Variants in CNTN4 observed in about 807,000 individuals in gnomAD.
CNTN4 encodes the protein contactin 4.
Under a neutral mutation model 122.5 loss-of-function variants are expected in CNTN4, and 77 were observed. The ratio of observed to expected loss-of-function variants is 0.63; its 90% CI spans 0.52 to 0.76. CNTN4 has a LOEUF of 0.76. CNTN4 is among the 30% of genes least tolerant of loss of function. The pLI, the probability that CNTN4 is intolerant of heterozygous loss-of-function variation, is 0.00. For synonymous variants in CNTN4, 512 were observed against 447.0 expected, an observed-to-expected ratio of 1.15 and a Z score of -1.83; for missense variants, 1,256 against 1,259.1, an observed-to-expected ratio of 1.00 and a Z score of 0.04.
At position 2,569,310 on chromosome 3, in the gene CNTN4, C is replaced by T. The variant is rs530573283; in HGVS notation, c.-88-2106C>T. ...GCAGTGATCACATGGTGTAAATTAA[C>T]GCTAAGAGCCCATTATTAAGTAGCT... On this transcript the variant is annotated intron_variant, in intron 3 of 24. Coordinates refer to ENST00000418658, the MANE Select transcript of CNTN4 (RefSeq NM_175607.3). 1.4e-4 allele frequency among the ~76,000 whole-genome samples: 22 copies of T among 152,290 alleles called. No homozygotes were observed. The East Asian group carries it at 2.5e-3, about 17-fold the overall frequency.
In CNTN4 at chr3:3,040,039, G is replaced by A. The variant is rs1260080631; in HGVS notation, c.2166G>A (p.Thr722=). 4 of 1,605,768 alleles carry A rather than the reference G, an allele frequency of 2.5e-6. No individual in the cohort carries two copies. The highest frequency in any genetic ancestry group is 3.4e-6 in the Non-Finnish European group (4 of 1,172,244). The change falls in exon 20 of 25, where the codon ACG becomes ACA. Residue 722 remains threonine, a splice_region_variant and synonymous_variant. Coordinates refer to ENST00000418658, the MANE Select transcript of CNTN4 (RefSeq NM_175607.3). ...AGACCACCTTCCTTCTTTCCCAGACGGTCCCTGAGGAATTACAGAATGGTC... is the reference window on the plus strand; with the variant it reads ...AGACCACCTTCCTTCTTTCCCAGACAGTCCCTGAGGAATTACAGAATGGTC... ...SKSELVITWE[T]VPEELQNGRG...
chr3:2,545,183 G>A (rs772275579), intron 3 of CNTN4, among the ~76,000 whole-genome samples: 1 of 152,038 alleles, frequency 6.6e-6, no homozygotes, highest in Non-Finnish European at 1.5e-5. Context: ...GTATGGGTTT[G>A]AGAGATTTTC....
intron 3 of CNTN4, among the ~76,000 whole-genome samples, chr3:2,459,318 T>C (rs1406705173): frequency 6.6e-6 from 1 of 152,074 alleles, no homozygotes; most frequent in Non-Finnish European, 1.5e-5. Context: ...AAAATGTGCA[T>C]TTAGAATTGG....
At chr3:2,905,135 A>C (rs2094215556) in intron 12 of CNTN4, among the ~76,000 whole-genome samples, 1 of 152,192 alleles carries the variant, frequency 6.6e-6, no homozygotes, top group Non-Finnish European at 1.5e-5. Context: ...TCACTGTTCC[A>C]ACTTTTACAT....
At chr3:2,214,813 G>A (rs2038769412) in intron 2 of CNTN4, among the ~76,000 whole-genome samples, 1 of 152,078 alleles carries the variant, frequency 6.6e-6, no homozygotes, top group Admixed American at 6.5e-5. Flanking sequence ...ATACTCTTTA[G>A]CATTGTTAAA....
chr3:2,480,233 TG>T (rs2075952805), intron 3 of CNTN4, among the ~76,000 whole-genome samples: 1 of 152,172 alleles, frequency 6.6e-6, no homozygotes, highest in African/African-American at 2.4e-5. Flanking sequence ...CTTCTACCAC[TG>T]CTTTTCAGCA....
intron 3 of CNTN4, among the ~76,000 whole-genome samples, chr3:2,528,961 A>C (rs2077497777): frequency 6.6e-6 from 1 of 152,132 alleles, no homozygotes; most frequent in African/African-American, 2.4e-5. Flanking sequence ...GAGAACATTC[A>C]AAATCCTCTC....
At chr3:2,791,551 A>G (rs2092011894) in intron 6 of CNTN4, among the ~76,000 whole-genome samples, 1 of 151,522 alleles carries the variant, frequency 6.6e-6, no homozygotes, top group South Asian at 2.1e-4. Flanking sequence ...AAAAAGATTT[A>G]GAAACTGAGC....
chr3:2,408,963 G>A (rs915157339), intron 3 of CNTN4, among the ~76,000 whole-genome samples: 2 of 152,040 alleles, frequency 1.3e-5, no homozygotes, highest in African/African-American at 4.8e-5. Flanking sequence ...TTTTGCACTT[G>A]TAGGCAGTTT....
intron 3 of CNTN4, among the ~76,000 whole-genome samples, chr3:2,456,053 T>A (rs2048987219): frequency 6.6e-6 from 1 of 152,130 alleles, no homozygotes; most frequent in African/African-American, 2.4e-5. Flanking sequence ...GCATTTATAA[T>A]CTCTGTTGTA....
intron 4 of CNTN4, among the ~76,000 whole-genome samples, chr3:2,576,518 CTTATT>C (rs921374407): frequency 2.0e-5 from 3 of 150,400 alleles, no homozygotes; most frequent in Non-Finnish European, 4.4e-5. Flanking sequence ...TCTCCCATTT[CTTATT>C]TTATTTTATT....
At chr3:2,535,182 G>C (rs1165266080) in intron 3 of CNTN4, among the ~76,000 whole-genome samples, 2 of 152,000 alleles carry the variant, frequency 1.3e-5, no homozygotes, top group Admixed American at 6.6e-5. Context: ...TTTCAACCTT[G>C]TACTTCAACA....
rs116648499 is a variant in CNTN4, at chr3:2,855,109, G to A, written c.455-11643G>A. On this transcript the variant is annotated intron_variant, in intron 7 of 24. Coordinates refer to ENST00000418658, the MANE Select transcript of CNTN4 (RefSeq NM_175607.3). ...GAAATTCTCAGTACTCCTGAATGTTGCTATGGGGTTAAATACTGTGGCATA... is the reference window on the plus strand; with the variant it reads ...GAAATTCTCAGTACTCCTGAATGTTACTATGGGGTTAAATACTGTGGCATA... Among the ~76,000 whole-genome samples the A allele has an allele frequency of 2.7e-3, 407 of 152,272 alleles. 1 individual carries two copies. Among genetic ancestry groups the A allele is most frequent in the African/African-American group, 9.3e-3 (387 of 41,554 alleles).
chr3:2,443,941 C>T lies in CNTN4; in HGVS notation c.-89+104708C>T, dbSNP rs538033768. On this transcript the variant is annotated intron_variant, in intron 3 of 24. Transcript: ENST00000418658. ...GGCTAGGAAGGACCAAATGGATTTACGTAGTTTATCGGATAAACCAATTTT... is the reference window on the plus strand; with the variant it reads ...GGCTAGGAAGGACCAAATGGATTTATGTAGTTTATCGGATAAACCAATTTT... Among the ~76,000 whole-genome samples the T allele has an allele frequency of 1.9e-3, 282 of 152,120 alleles. 1 individual carries two copies. Among genetic ancestry groups the T allele is most frequent in the Non-Finnish European group, 1.2e-3 (82 of 68,020 alleles).
intron 4 of CNTN4, among the ~76,000 whole-genome samples, chr3:2,615,694 C>T (rs2081693620): frequency 6.6e-6 from 1 of 151,988 alleles, no homozygotes; most frequent in Admixed American, 6.6e-5. Flanking sequence ...TAGAGTTGTG[C>T]AATTATTTCC....
At chr3:2,362,060 G>A (rs2150552669) in intron 3 of CNTN4, among the ~76,000 whole-genome samples, 1 of 152,274 alleles carries the variant, frequency 6.6e-6, no homozygotes, top group Non-Finnish European at 1.5e-5. Flanking sequence ...GCATTCCAGG[G>A]AGTGGGACCA....
rs114053236 is a variant in CNTN4, at chr3:2,831,531, C to G, written c.454+11950C>G. On this transcript the variant is annotated intron_variant, in intron 7 of 24. Transcript: ENST00000418658. ...GTGGTGCTGCTAACAAAACAATGGG[C>G]AGCCACTTTGTACCGAGCCAAGAGA... Among the ~76,000 whole-genome samples, 741 of 152,314 alleles carry G rather than the reference C, an allele frequency of 4.9e-3. 7 individuals are homozygous for G. Among genetic ancestry groups the G allele is most frequent in the African/African-American group, 0.017 (696 of 41,560 alleles).
At chr3:2,882,343 G>A (rs1263646547) in intron 8 of CNTN4, among the ~76,000 whole-genome samples, 1 of 151,818 alleles carries the variant, frequency 6.6e-6, no homozygotes, top group African/African-American at 2.4e-5. Flanking sequence ...TCTAGCCTGG[G>A]TGACAGAGCG....
intron 2 of CNTN4, among the ~76,000 whole-genome samples, chr3:2,270,423 G>C (rs1264394699): frequency 6.6e-6 from 1 of 151,428 alleles, no homozygotes; most frequent in African/African-American, 2.4e-5. Context: ...GGGGGGGAAT[G>C]AGGTTGTTCT....
Sources: gnomAD v4.1 joint callset for allele counts (sites outside exome capture counted in the v4.1 genomes callset) on GRCh38, gnomAD v4.1.1 for gene constraint, MANE v1.5 for transcripts, NCBI Gene and HGNC (gene_info 2026-07-23, HGNC 2026-07-21) for gene names.